Variants in SLC9A1 observed in about 807,000 individuals in gnomAD.
The protein encoded by SLC9A1 is solute carrier family 9 member A1, also known as sodium/hydrogen exchanger 1.
SLC9A1 carries 22 observed loss-of-function variants against 67.9 expected under a neutral mutation model. The ratio of observed to expected loss-of-function variants is 0.32; its 90% CI spans 0.23 to 0.46. The LOEUF (loss-of-function observed/expected upper bound fraction) is 0.46, where lower values mean the gene tolerates loss of function less well. Ranked by LOEUF, SLC9A1 falls within the 20% of genes least tolerant of loss-of-function variation. SLC9A1 has a pLI of 1.00. For missense variants in SLC9A1, 686 were observed against 1,094.8 expected (o/e 0.63, Z 5.27); for synonymous variants, 421 against 471.8 (o/e 0.89, Z 1.40).
rs1173635739 is a variant in SLC9A1 at position 27,101,756 on chromosome 1, C to T, written c.2006G>A (p.Arg669Gln). 4.3e-6 allele frequency: 7 copies of T among 1,613,190 alleles called. No homozygotes were observed. Among genetic ancestry groups the T allele is most frequent in the East Asian group, 2.2e-5 (1 of 44,866 alleles). ...CTCCAGCTGCCGGGCCTTCTGCCTC[C>T]GGAGCAGCATCTGGTTCCAGGCTTC... ...YEEAWNQMLL[R>Q]RQKARQLEQK... The change falls in exon 10 of 12, where the codon CGG (arginine) becomes CAG (glutamine). Residue 669 changes from arginine to glutamine, a missense_variant. Around this residue, in one of 7 missense-constraint regions of SLC9A1, gnomAD observed 226 missense variants for 282.4 expected, o/e 0.80. Coordinates refer to ENST00000263980, the MANE Select transcript of SLC9A1 (RefSeq NM_003047.5). The surrounding 1 kb of genome is among the most constrained non-coding windows in gnomAD (Gnocchi z 4.9).
rs775892200 is a variant in SLC9A1, at chr1:27,107,619, C to T, written c.1282+29G>A. 4.6e-6 allele frequency: 7 copies of T among 1,519,066 alleles called. No homozygotes were observed. In the South Asian group the frequency reaches 8.4e-5, roughly 18 times the overall value. 94.1% of individuals were successfully genotyped at this position (1,519,066 alleles called of 1,614,324 possible). ...CCCCACACACACCCCACACCACAAC[C>T]CCCACCCCGCCCCAGCCCTGGCCCT... On this transcript the variant is annotated intron_variant, in intron 4 of 11. Coordinates refer to ENST00000263980, the MANE Select transcript of SLC9A1 (RefSeq NM_003047.5).
chr1:27,113,736 T>C, intron 2 of SLC9A1, 90 bp downstream of exon 2: 1 of 977,708 alleles, frequency 1.0e-6, no homozygotes, highest in Middle Eastern at 2.3e-4. Flanking sequence ...TTTTTATTAC[T>C]GTTATTAGCG....
rs1570861450 is a variant in SLC9A1 at position 27,118,969 on chromosome 1, GCTC to G, written c.353-4686_353-4684del. Among the ~76,000 whole-genome samples the G allele has an allele frequency of 1.3e-5, 2 of 151,006 alleles. No individual in the cohort carries two copies. Among genetic ancestry groups the G allele is most frequent in the African/African-American group, 4.9e-5 (2 of 40,976 alleles). The stretch of plus-strand genomic sequence containing the variant: ...CCCTCTGACACAGTTCAGAGTTGGC[GCTC>G]CTTTTAGAAGAGGCTGGGGGATGGG... On this transcript the variant is annotated intron_variant, in intron 1 of 11. Transcript: ENST00000263980. The surrounding 1 kb of genome is among the most constrained non-coding windows in gnomAD (Gnocchi z 4.3).
rs1433699956 is a variant in SLC9A1, at chr1:27,118,661, G to A, written c.353-4375C>T. ...GGCCCAAACATGCAGCAGCAGTGAT[G>A]TCACCAGGGTGAAATCAGGGATGGG... On this transcript the variant is annotated intron_variant, in intron 1 of 11. Transcript: ENST00000263980. This position sits in a 1 kb window ranked among gnomAD's most constrained non-coding sequence, Gnocchi z 4.3. 6.6e-6 allele frequency among the ~76,000 whole-genome samples: 1 copy of A among 152,182 alleles called. No homozygotes were observed. Among genetic ancestry groups the A allele is most frequent in the African/African-American group, 2.4e-5 (1 of 41,464 alleles).
Position 27,154,159 on chromosome 1 carries a change from T to A in SLC9A1, c.176A>T (p.Asp59Val), listed in dbSNP as rs761485124. Residue 59 changes from aspartate (D) to valine (V), a missense_variant, in exon 1 of 12, where the codon GAT becomes GTT. Coordinates refer to ENST00000263980, the MANE Select transcript of SLC9A1 (RefSeq NM_003047.5). The part of the protein sequence containing the change: ...SEPPRERSIG[D>V]VTTAPPEVTP... ...GACCTCCGGTGGAGCGGTGGTGACA[T>A]CCCCAATCGAGCGTTCTCGTGGTGG... 24 of 1,613,826 alleles carry A rather than the reference T, an allele frequency of 1.5e-5. No individual in the cohort carries two copies. The highest frequency in any genetic ancestry group is 2.0e-5 in the Non-Finnish European group (24 of 1,179,956).
At chr1:27,152,873 C>T (rs1318081210) in intron 1 of SLC9A1, among the ~76,000 whole-genome samples, 1 of 152,192 alleles carries the variant, frequency 6.6e-6, no homozygotes, top group Non-Finnish European at 1.5e-5. Context: ...TGCCAAATTC[C>T]CAAACCCAAA....
At chr1:27,134,801 A>G (rs1185501203) in intron 1 of SLC9A1, among the ~76,000 whole-genome samples, 1 of 152,206 alleles carries the variant, frequency 6.6e-6, no homozygotes, top group African/African-American at 2.4e-5. Flanking sequence ...CAGTGGTACA[A>G]TCTCGGCTCA....
At chr1:27,139,569 G>C (rs933493480) in intron 1 of SLC9A1, among the ~76,000 whole-genome samples, 1 of 152,194 alleles carries the variant, frequency 6.6e-6, no homozygotes, top group African/African-American at 2.4e-5. Flanking sequence ...GCCTATACCA[G>C]GGCGACAGCC....
intron 1 of SLC9A1, among the ~76,000 whole-genome samples, chr1:27,130,337 C>T (rs760716112): frequency 3.9e-5 from 6 of 152,188 alleles, no homozygotes; most frequent in Non-Finnish European, 7.3e-5. Flanking sequence ...CGCTTGACCT[C>T]GTGATCCGCC....
At chr1:27,126,920 A>G (rs2083348342) in intron 1 of SLC9A1, among the ~76,000 whole-genome samples, 1 of 152,224 alleles carries the variant, frequency 6.6e-6, no homozygotes, top group Non-Finnish European at 1.5e-5. Context: ...GGCACCAAGA[A>G]GGCCTGGCAG....
intron 1 of SLC9A1, among the ~76,000 whole-genome samples, chr1:27,132,299 T>C (rs1483705705): frequency 6.6e-6 from 1 of 152,028 alleles, no homozygotes; most frequent in African/African-American, 2.4e-5. Context: ...TTGTCATCAA[T>C]GGAGAGGAAA....
chr1:27,149,994 C>T (rs570859091), intron 1 of SLC9A1, among the ~76,000 whole-genome samples: 1 of 152,330 alleles, frequency 6.6e-6, no homozygotes, highest in African/African-American at 2.4e-5. Context: ...TGACCTCCCT[C>T]CCACTGTTCT....
At chr1:27,119,081 ACACACT>A (rs1198115414) in intron 1 of SLC9A1, among the ~76,000 whole-genome samples, 1 of 150,254 alleles carries the variant, frequency 6.7e-6, no homozygotes, top group African/African-American at 2.5e-5. Context: ...ACACACACAC[ACACACT>A]CTTGCTGAGC....
rs1479760605 is a variant in SLC9A1 at position 27,100,979 on chromosome 1, GCAC to G, written c.2110+221_2110+223del. On this transcript the variant is annotated intron_variant, in intron 11 of 11. Transcript: ENST00000263980. The surrounding 1 kb of genome is among the most constrained non-coding windows in gnomAD (Gnocchi z 5.6). The stretch of plus-strand genomic sequence containing the variant: ...GGCAGATACCCTGCCTTCCTGCCAG[GCAC>G]CGTGGCTCTCCCAGCTCCCCACACA... 2.6e-5 allele frequency among the ~76,000 whole-genome samples: 4 copies of G among 152,194 alleles called. No individual in the cohort carries two copies. Among genetic ancestry groups the G allele is most frequent in the African/African-American group, 9.6e-5 (4 of 41,458 alleles).
rs1319726487 is a variant in SLC9A1, at chr1:27,105,908, T to C, written c.1462A>G (p.Ile488Val). ...DLFLTAIITV[I>V]FFTVFVQGMT... Reference sequence around the variant, plus strand: ...ACCTGCACAAAGACGGTGAAGAAGATGACAGTGATGATGGCAGTGAGGAAC... The same window carrying C: ...ACCTGCACAAAGACGGTGAAGAAGACGACAGTGATGATGGCAGTGAGGAAC... The change falls in exon 5 of 12, where the codon ATC (isoleucine) becomes GTC (valine). Residue 488 changes from isoleucine (I) to valine (V), a missense_variant. Transcript: ENST00000263980. 1 of 1,613,412 alleles carries C rather than the reference T, an allele frequency of 6.2e-7. No individual in the cohort carries two copies.
At position 27,137,514 on chromosome 1, in the gene SLC9A1, C is replaced by T. The variant is rs988808928; in HGVS notation, c.352+16469G>A. Reference sequence around the variant, plus strand: ...TTTGCACATGGGGACCACAAAGTTGCAAGTGGGGGAGGGGGGTTTCAGTCC... The same window carrying T: ...TTTGCACATGGGGACCACAAAGTTGTAAGTGGGGGAGGGGGGTTTCAGTCC... On this transcript the variant is annotated intron_variant, in intron 1 of 11. Transcript: ENST00000263980. The surrounding 1 kb of genome is among the most constrained non-coding windows in gnomAD (Gnocchi z 4.6). Among the ~76,000 whole-genome samples the T allele has an allele frequency of 8.5e-5, 13 of 152,138 alleles. No homozygotes were observed. Among genetic ancestry groups the T allele is most frequent in the Non-Finnish European group, 1.9e-4 (13 of 67,986 alleles).
intron 1 of SLC9A1, among the ~76,000 whole-genome samples, chr1:27,142,922 C>T (rs972189138): frequency 1.3e-5 from 2 of 151,954 alleles, no homozygotes; most frequent in African/African-American, 4.8e-5. Flanking sequence ...AATTAAGTAC[C>T]ACCTCCTCCA....
intron 1 of SLC9A1, among the ~76,000 whole-genome samples, chr1:27,139,915 C>T (rs2083443794): frequency 6.6e-6 from 1 of 151,944 alleles, no homozygotes; most frequent in Non-Finnish European, 1.5e-5. Flanking sequence ...GTCTCAACCT[C>T]CCAAGTAGCT....
intron 1 of SLC9A1, among the ~76,000 whole-genome samples, chr1:27,126,528 A>G (rs1292992515): frequency 6.6e-6 from 1 of 152,198 alleles, no homozygotes; most frequent in East Asian, 1.9e-4. Flanking sequence ...AGCAGAACCC[A>G]GTCACGCTCA....
Sources: allele counts gnomAD v4.1 joint callset (sites outside exome capture counted in the v4.1 genomes callset), GRCh38; gene constraint gnomAD v4.1.1; regional missense constraint gnomAD v4.1.1; non-coding constraint Gnocchi (gnomAD v3.1); transcripts MANE v1.5; gene names NCBI Gene and HGNC (gene_info 2026-07-23, HGNC 2026-07-21).